GATAD2A: variants seen among roughly 807,000 people sequenced by gnomAD.
GATAD2A encodes transcriptional repressor p66-alpha.
A neutral mutation model predicts 68.5 loss-of-function variants in GATAD2A; 12 were observed. That is an observed-to-expected ratio of 0.18 (90% CI 0.11 to 0.28). The LOEUF (loss-of-function observed/expected upper bound fraction) is 0.28, where lower values mean the gene tolerates loss of function less well. GATAD2A is among the 10% of genes least tolerant of loss of function. GATAD2A has a pLI of 1.00. For missense variants in GATAD2A, 755 were observed against 868.5 expected, an observed-to-expected ratio of 0.87 and a Z score of 1.64; for synonymous variants, 410 against 375.3, an observed-to-expected ratio of 1.09 and a Z score of -1.07.
intron 1 of GATAD2A, among the ~76,000 whole-genome samples, chr19:19,395,389 G>T (rs1025700347): frequency 6.6e-6 from 1 of 152,028 alleles, no homozygotes; most frequent in African/African-American, 2.4e-5. Context: ...CAGGAGGCGG[G>T]GTTTGCAATG....
chr19:19,441,013 C>T (rs1445163779), intron 1 of GATAD2A, among the ~76,000 whole-genome samples: 1 of 141,496 alleles, frequency 7.1e-6, no homozygotes. Flanking sequence ...CCTTCCTTCC[C>T]TTCCTTCCCT....
rs1432329640 is a variant in GATAD2A, at chr19:19,498,740, A to AG, written c.1204+19dup. 2.5e-6 allele frequency: 4 copies of AG among 1,588,982 alleles called. No individual in the cohort carries two copies. The highest frequency in any genetic ancestry group is 3.4e-6 in the Non-Finnish European group (4 of 1,163,342). ...GACACAAGGTGAGTGGCCTGGACCCAGCCGGGCTGCTTCCGCCTCTGGCCT... is the reference window on the plus strand; with the variant it reads ...GACACAAGGTGAGTGGCCTGGACCCAGGCCGGGCTGCTTCCGCCTCTGGCCT... On this transcript the variant is annotated intron_variant, in intron 8 of 11. Transcript: ENST00000683918.
At chr19:19,425,180 C>G (rs2052929342) in intron 1 of GATAD2A, among the ~76,000 whole-genome samples, 1 of 151,846 alleles carries the variant, frequency 6.6e-6, no homozygotes, top group Non-Finnish European at 1.5e-5. Context: ...AAAGGTAATA[C>G]AATTAGTTGA....
At chr19:19,498,380 G>T (rs957090864) in intron 7 of GATAD2A, 63 bp from the exon 8 acceptor site, 5 of 1,501,408 alleles carry the variant, frequency 3.3e-6, no homozygotes, top group Non-Finnish European at 3.6e-6. Flanking sequence ...GCTTCGGGGC[G>T]CTGGGGAGCC....
chr19:19,420,695 G>T (rs987225714), intron 1 of GATAD2A, among the ~76,000 whole-genome samples: 1 of 151,900 alleles, frequency 6.6e-6, no homozygotes, highest in Non-Finnish European at 1.5e-5. Flanking sequence ...GGATATCGGC[G>T]GTAGTCCCTT....
At chr19:19,424,478 C>G (rs551226470) in intron 1 of GATAD2A, among the ~76,000 whole-genome samples, 2 of 152,138 alleles carry the variant, frequency 1.3e-5, no homozygotes, top group African/African-American at 2.4e-5. Context: ...GGTCTGCCCC[C>G]CTCAGCCTCC....
intron 11 of GATAD2A, among the ~76,000 whole-genome samples, chr19:19,504,451 G>T (rs887629309): frequency 6.6e-6 from 1 of 151,934 alleles, no homozygotes; most frequent in African/African-American, 2.4e-5. Flanking sequence ...TGTGTGTCTT[G>T]CGTTGGCTAC....
intron 1 of GATAD2A, among the ~76,000 whole-genome samples, chr19:19,447,683 C>A (rs1333694578): frequency 1.3e-5 from 2 of 152,220 alleles, no homozygotes; most frequent in Non-Finnish European, 2.9e-5. Flanking sequence ...GTAGGTTTCC[C>A]TGCTGGCTGT....
intron 1 of GATAD2A, among the ~76,000 whole-genome samples, chr19:19,454,363 C>T (rs1006446730): frequency 4.0e-5 from 6 of 150,910 alleles, no homozygotes; most frequent in Admixed American, 1.3e-4. Context: ...TTTGGGAGGC[C>T]GAGGTGGGTG....
intron 1 of GATAD2A, among the ~76,000 whole-genome samples, chr19:19,417,461 A>T (rs977906682): frequency 2.0e-5 from 3 of 152,110 alleles, no homozygotes; most frequent in Non-Finnish European, 4.4e-5. Context: ...CAGGGTATCC[A>T]CAGCTCCTGT....
intron 1 of GATAD2A, among the ~76,000 whole-genome samples, chr19:19,454,764 C>T (rs1751029393): frequency 7.4e-6 from 1 of 135,274 alleles, no homozygotes; most frequent in East Asian, 2.3e-4. Context: ...GTTTTTGAAA[C>T]CTACTTTTCT....
In GATAD2A at chr19:19,410,538, C is replaced by G. The variant is rs1172448823; in HGVS notation, c.-7+4519C>G. 3.9e-5 allele frequency among the ~76,000 whole-genome samples: 6 copies of G among 152,326 alleles called. 1 individual carries two copies. In the South Asian group the frequency reaches 8.3e-4, roughly 21 times the overall value. On this transcript the variant is annotated intron_variant, in intron 1 of 11. Coordinates refer to ENST00000683918, the MANE Select transcript of GATAD2A (RefSeq NM_001384528.1). The stretch of plus-strand genomic sequence containing the variant: ...AGTTCCGTCTCAGGACCTGGCGCTG[C>G]GTGGCCTGCCTTGCCGGTTAGATAT...
intron 1 of GATAD2A, among the ~76,000 whole-genome samples, chr19:19,422,222 C>T (rs1172502184): frequency 6.6e-6 from 1 of 152,174 alleles, no homozygotes; most frequent in African/African-American, 2.4e-5. Context: ...GCAAGGAAAA[C>T]GCCATTTGAG....
chr19:19,437,223 G>T (rs986968133), intron 1 of GATAD2A, among the ~76,000 whole-genome samples: 1 of 152,102 alleles, frequency 6.6e-6, no homozygotes, highest in African/African-American at 2.4e-5. Flanking sequence ...TCAAACTCCT[G>T]GGCTCAAGCG....
At chr19:19,491,130 T>C (rs1391408349) in intron 2 of GATAD2A, among the ~76,000 whole-genome samples, 1 of 152,140 alleles carries the variant, frequency 6.6e-6, no homozygotes, top group Non-Finnish European at 1.5e-5. Context: ...GTCAAATGAC[T>C]TGGGGTGCCT....
chr19:19,492,546 G>T (rs765567240), intron 3 of GATAD2A, 35 bp from the exon 4 acceptor site: 3 of 1,612,836 alleles, frequency 1.9e-6, no homozygotes, highest in South Asian at 2.2e-5. Context: ...CACCAAGGAC[G>T]CTCCCTCTCA....
chr19:19,449,371 G>C (rs1366602092), intron 1 of GATAD2A, among the ~76,000 whole-genome samples: 2 of 152,112 alleles, frequency 1.3e-5, no homozygotes. Flanking sequence ...AGACCATCTA[G>C]ATGTTATTTA....
chr19:19,432,148 T>C (rs1032121788), intron 1 of GATAD2A, among the ~76,000 whole-genome samples: 2 of 152,044 alleles, frequency 1.3e-5, no homozygotes, highest in African/African-American at 4.8e-5. Flanking sequence ...GCTAATTTTG[T>C]ATTTTTAATA....
At chr19:19,487,449 T>C (rs1362418122) in intron 2 of GATAD2A, among the ~76,000 whole-genome samples, 1 of 136,552 alleles carries the variant, frequency 7.3e-6, no homozygotes, top group East Asian at 2.3e-4. Context: ...TGGGGTGGGG[T>C]GCCGTGCAGG....
Sources: gnomAD v4.1 joint callset for allele counts (sites outside exome capture counted in the v4.1 genomes callset) on GRCh38, gnomAD v4.1.1 for gene constraint, MANE v1.5 for transcripts, NCBI Gene and HGNC (gene_info 2026-07-23, HGNC 2026-07-21) for gene names.